SEMA6D: variants seen among roughly 807,000 people sequenced by gnomAD.
The protein encoded by SEMA6D is semaphorin 6D.
A neutral mutation model predicts 106.6 loss-of-function variants in SEMA6D; 35 were observed. The observed-to-expected ratio is 0.33, with a 90% confidence interval of 0.25 to 0.44. The LOEUF (loss-of-function observed/expected upper bound fraction) is 0.44. SEMA6D is among the 20% of genes least tolerant of loss of function. The pLI is 1.00. For synonymous variants in SEMA6D, 499 were observed against 487.7 expected, an observed-to-expected ratio of 1.02 and a Z score of -0.31; for missense variants, 1,185 against 1,345.9, an observed-to-expected ratio of 0.88 and a Z score of 1.87.
intron 3 of SEMA6D, among the ~76,000 whole-genome samples, chr15:47,492,814 A>G (rs2043513119): frequency 6.6e-6 from 1 of 152,146 alleles, no homozygotes; most frequent in Non-Finnish European, 1.5e-5. Flanking sequence ...TAACCTTACA[A>G]TGAATGTTAG....
Position 47,772,717 on chromosome 15 carries a change from T to G in SEMA6D, c.*932T>G, listed in dbSNP as rs1182504701. ...ATTTTCCAGTATTCAGTAGTAAAATTTTCCTGTCCACTGTGAATCAAAGCC... is the reference window on the plus strand; with the variant it reads ...ATTTTCCAGTATTCAGTAGTAAAATGTTCCTGTCCACTGTGAATCAAAGCC... On this transcript the variant is annotated 3_prime_UTR_variant, in exon 19 of 19. Transcript: ENST00000536845. The G allele has an allele frequency of 6.6e-6, 1 of 152,348 alleles. No homozygotes were observed. The highest frequency in any genetic ancestry group is 1.9e-4 in the East Asian group (1 of 5,158). The allele number at this position is 152,348 out of a possible 1,614,324, so 9.4% of individuals were successfully genotyped here.
Position 47,774,155 on chromosome 15 carries a change from GTAAATAATATGTACTT to G in SEMA6D, c.*2372_*2387del, listed in dbSNP as rs2082744397. 1 of 152,544 alleles carries G rather than the reference GTAAATAATATGTACTT, an allele frequency of 6.6e-6. No homozygotes were observed. Among genetic ancestry groups the G allele is most frequent in the Non-Finnish European group, 1.5e-5 (1 of 68,024 alleles). 9.4% of individuals were successfully genotyped at this position (152,544 alleles called of 1,614,324 possible). ...CCTTGTAAACTTGTATTGTGGATGT[GTAAATAATATGTACTT>G]TGGGTTTTTAACACCGCATGTAAAG... On this transcript the variant is annotated 3_prime_UTR_variant, in exon 19 of 19. Transcript: ENST00000536845.
At chr15:47,701,269 T>TA (rs2078804866) in intron 4 of SEMA6D, among the ~76,000 whole-genome samples, 1 of 151,700 alleles carries the variant, frequency 6.6e-6, no homozygotes, top group South Asian at 2.1e-4. Context: ...ACAACCCAAT[T>TA]AAAAAATAGG....
chr15:47,486,260 TAATGTGCAACTC>T (rs2043293470), intron 3 of SEMA6D, among the ~76,000 whole-genome samples: 1 of 152,214 alleles, frequency 6.6e-6, no homozygotes, highest in Admixed American at 6.5e-5. Flanking sequence ...AGTGAATTTG[TAATGTGCAACTC>T]ATGTCAAGAA....
At chr15:47,430,703 T>A (rs1391275981) in intron 2 of SEMA6D, among the ~76,000 whole-genome samples, 1 of 152,048 alleles carries the variant, frequency 6.6e-6, no homozygotes, top group Non-Finnish European at 1.5e-5. Context: ...CCATTTCTAC[T>A]CCATTCCCCC....
At chr15:47,724,532 T>C (rs751218672) in intron 1 of SEMA6D, among the ~76,000 whole-genome samples, 1 of 152,090 alleles carries the variant, frequency 6.6e-6, no homozygotes, top group East Asian at 1.9e-4. Flanking sequence ...TTTGAGCTGG[T>C]TCTTGAACTA....
rs558562232 is a variant in SEMA6D at position 47,758,911 on chromosome 15, C to T, written c.-54-834C>T. 4.6e-5 allele frequency among the ~76,000 whole-genome samples: 7 copies of T among 152,262 alleles called. No homozygotes were observed. The South Asian group carries it at 1.0e-3, about 23-fold the overall frequency. ...ATTTTTTTGGCCCTTGGATTTTCAT[C>T]TGAAAAATGAGGGGGTTGGACTAGA... On this transcript the variant is annotated intron_variant, in intron 1 of 18. Coordinates refer to ENST00000536845, the MANE Select transcript of SEMA6D (RefSeq NM_001358351.3).
intron 4 of SEMA6D, among the ~76,000 whole-genome samples, chr15:47,618,311 T>C (rs191317556): frequency 6.6e-6 from 1 of 152,362 alleles, no homozygotes; most frequent in East Asian, 1.9e-4. Context: ...GAGGAGGTTT[T>C]TGCCTGACCT....
intron 1 of SEMA6D, among the ~76,000 whole-genome samples, chr15:47,325,267 G>A (rs1020447355): frequency 1.3e-5 from 2 of 151,596 alleles, no homozygotes; most frequent in South Asian, 4.2e-4. Context: ...TCCACCTCCC[G>A]GGTTCAAGTG....
chr15:47,456,227 C>A (rs2042342116), intron 2 of SEMA6D, among the ~76,000 whole-genome samples: 1 of 151,924 alleles, frequency 6.6e-6, no homozygotes, highest in South Asian at 2.1e-4. Context: ...TTTCTCTACA[C>A]AATACTTCTT....
chr15:47,469,441 G>A (rs1332540652), intron 2 of SEMA6D, among the ~76,000 whole-genome samples: 6 of 151,868 alleles, frequency 4.0e-5, no homozygotes, highest in Non-Finnish European at 7.4e-5. Context: ...TAAGAAATCA[G>A]GACACTTCAA....
chr15:47,201,349 C>T (rs910003600), intron 1 of SEMA6D, among the ~76,000 whole-genome samples: 9 of 151,964 alleles, frequency 5.9e-5, no homozygotes, highest in Non-Finnish European at 1.3e-4. Flanking sequence ...ATTCATAGGC[C>T]TAATTTATCT....
intron 4 of SEMA6D, among the ~76,000 whole-genome samples, chr15:47,666,432 T>C (rs191835119): frequency 2.0e-3 from 309 of 152,342 alleles, no homozygotes; most frequent in Admixed American, 3.6e-3. Flanking sequence ...GATAATCTCC[T>C]GCTTAGTCAC....
chr15:47,356,466 G>A (rs2144959951), intron 1 of SEMA6D, among the ~76,000 whole-genome samples: 1 of 152,200 alleles, frequency 6.6e-6, no homozygotes, highest in Middle Eastern at 3.4e-3. Flanking sequence ...TTTGAGTCTA[G>A]TGTTGAAGGA....
At chr15:47,307,827 T>C (rs2036287557) in intron 1 of SEMA6D, among the ~76,000 whole-genome samples, 2 of 152,244 alleles carry the variant, frequency 1.3e-5, no homozygotes, top group African/African-American at 2.4e-5. Context: ...ATAGCAATTA[T>C]AGTAATTATG....
chr15:47,271,161 A>G (rs959207664), intron 1 of SEMA6D, among the ~76,000 whole-genome samples: 1 of 152,194 alleles, frequency 6.6e-6, no homozygotes. Flanking sequence ...ATGTAATCCA[A>G]ACTCTATTGT....
chr15:47,400,570 T>C (rs999736445), intron 1 of SEMA6D, among the ~76,000 whole-genome samples: 14 of 152,166 alleles, frequency 9.2e-5, no homozygotes, highest in African/African-American at 3.4e-4. Flanking sequence ...TCCCATTTTC[T>C]TAAGAGGAAG....
intron 2 of SEMA6D, among the ~76,000 whole-genome samples, chr15:47,439,178 T>C (rs954114342): frequency 2.0e-5 from 3 of 152,158 alleles, no homozygotes; most frequent in African/African-American, 4.8e-5. Flanking sequence ...TGCCAATTAA[T>C]GTGAGCATAT....
chr15:47,469,244 G>C (rs77920062), intron 2 of SEMA6D, among the ~76,000 whole-genome samples: 3,180 of 152,014 alleles, frequency 0.021, 113 homozygotes, highest in African/African-American at 0.072. Context: ...CCCCCTTATT[G>C]CCCCAACCAG....
Sources: gnomAD v4.1 joint callset for allele counts (sites outside exome capture counted in the v4.1 genomes callset) on GRCh38, gnomAD v4.1.1 for gene constraint, MANE v1.5 for transcripts, NCBI Gene and HGNC (gene_info 2026-07-23, HGNC 2026-07-21) for gene names.